MAD1L1: variants seen among roughly 807,000 people sequenced by gnomAD.
MAD1L1 encodes the protein mitotic spindle assembly checkpoint protein MAD1.
MAD1L1 carries 95 observed loss-of-function variants against 96.9 expected under a neutral mutation model. The observed-to-expected ratio is 0.98, with a 90% CI of 0.83 to 1.16. The LOEUF is 1.16. Among genes scored for constraint, MAD1L1 ranks in the 50% most tolerant of loss-of-function variants. The pLI is 0.00. For synonymous variants in MAD1L1, 473 were observed against 396.6 expected (o/e 1.19, Z -2.29); for missense variants, 1,007 against 954.4 (o/e 1.06, Z -0.73).
intron 12 of MAD1L1, among the ~76,000 whole-genome samples, chr7:2,039,156 C>T (rs565436447): frequency 2.5e-4 from 38 of 152,184 alleles, no homozygotes; most frequent in African/African-American, 8.0e-4. Context: ...CTCTTCGCTC[C>T]GCTAAACTCC....
At chr7:1,985,430 C>T (rs546897112) in intron 14 of MAD1L1, among the ~76,000 whole-genome samples, 57 of 150,840 alleles carry the variant, frequency 3.8e-4, no homozygotes, top group African/African-American at 1.2e-3. Context: ...GGGATCCTGG[C>T]TCCATGGCCA....
At chr7:1,980,949 G>A (rs867080058) in intron 14 of MAD1L1, among the ~76,000 whole-genome samples, 33 of 152,082 alleles carry the variant, frequency 2.2e-4, no homozygotes, top group African/African-American at 7.2e-4. Flanking sequence ...ATGCTGCACC[G>A]CCCGGGAGGG....
Position 1,863,749 on chromosome 7 carries a change from C to T in MAD1L1, c.1998+34451G>A, listed in dbSNP as rs577157291. ...GCAGTCCCGGAACACCGTGGGCTCC[C>T]GTGCTCCTGCAGCCCCGTCAGGCAC... On this transcript the variant is annotated intron_variant, in intron 18 of 18. Transcript: ENST00000265854. 7.2e-5 allele frequency among the ~76,000 whole-genome samples: 11 copies of T among 152,306 alleles called. No homozygotes were observed. The East Asian group carries it at 1.4e-3, about 19-fold the overall frequency.
chr7:1,922,132 T>A (rs943194959), intron 17 of MAD1L1, among the ~76,000 whole-genome samples: 1 of 152,260 alleles, frequency 6.6e-6, no homozygotes, highest in African/African-American at 2.4e-5. Context: ...AGCCACAGGC[T>A]GCAGGCGGGC....
intron 10 of MAD1L1, among the ~76,000 whole-genome samples, chr7:2,186,739 G>T (rs1298481772): frequency 1.3e-5 from 2 of 151,984 alleles, no homozygotes; most frequent in East Asian, 1.9e-4. Flanking sequence ...ACTAAGTGTG[G>T]TCTGCAGACA....
In MAD1L1 at chr7:1,939,515, AG is replaced by A. The variant is rs1444130179; in HGVS notation, c.1597-2619del. Reference sequence around the variant, plus strand: ...TCATGACATGGGTCATGTCAGGCACAGACATGACCATGGTCATGACATGGGT... The same window carrying A: ...TCATGACATGGGTCATGTCAGGCACAACATGACCATGGTCATGACATGGGT... On this transcript the variant is annotated intron_variant, in intron 16 of 18. Transcript: ENST00000265854. Among the ~76,000 whole-genome samples, 54 of 147,638 alleles carry A rather than the reference AG, an allele frequency of 3.7e-4. 1 individual carries two copies. Among genetic ancestry groups the A allele is most frequent in the African/African-American group, 1.2e-3 (49 of 39,952 alleles).
intron 11 of MAD1L1, among the ~76,000 whole-genome samples, chr7:2,105,247 C>T (rs1042907152): frequency 6.6e-6 from 1 of 152,150 alleles, no homozygotes; most frequent in East Asian, 1.9e-4. Context: ...ACAAAGGGCA[C>T]TAACACACGA....
chr7:2,175,092 G>C (rs963891511), intron 10 of MAD1L1: 8 of 152,196 alleles, frequency 5.3e-5, no homozygotes, highest in African/African-American at 1.7e-4. Flanking sequence ...GACAAAGCTG[G>C]TCATCTCGGC....
At chr7:2,215,851 A>AC (rs754996570) in intron 9 of MAD1L1, 34 bp downstream of exon 9, 48 of 1,594,478 alleles carry the variant, frequency 3.0e-5, no homozygotes, top group Non-Finnish European at 4.0e-5. Flanking sequence ...GGCAGAGGAC[A>AC]CCCACAGGAA....
intron 12 of MAD1L1, among the ~76,000 whole-genome samples, chr7:2,022,645 A>C (rs1184802645): frequency 6.6e-6 from 1 of 152,222 alleles, no homozygotes; most frequent in Non-Finnish European, 1.5e-5. Context: ...AAAGAAAAGA[A>C]GATTTAAAAA....
rs554635608 is a variant in MAD1L1 at position 1,928,650 on chromosome 7, C to G, written c.1807+8037G>C. The stretch of plus-strand genomic sequence containing the variant: ...GAACAGGGCTGGAGCCCCTGCACCC[C>G]CATCCCATTTGAACCGCTCAGCTGT... On this transcript the variant is annotated intron_variant, in intron 17 of 18. Transcript: ENST00000265854. Among the ~76,000 whole-genome samples the G allele has an allele frequency of 9.2e-5, 14 of 152,382 alleles. No individual in the cohort carries two copies. In the East Asian group the frequency reaches 2.5e-3, roughly 27 times the overall value.
intron 18 of MAD1L1, among the ~76,000 whole-genome samples, chr7:1,859,689 C>T (rs769462428): frequency 2.0e-5 from 3 of 152,190 alleles, no homozygotes; most frequent in Non-Finnish European, 4.4e-5. Context: ...TGGTGCTCTC[C>T]GTAGACCTGA....
chr7:1,994,146 A>G (rs1274543005), intron 14 of MAD1L1, among the ~76,000 whole-genome samples: 1 of 152,150 alleles, frequency 6.6e-6, no homozygotes, highest in Admixed American at 6.5e-5. Flanking sequence ...TCACAGGGGG[A>G]TAATCTGTGT....
intron 18 of MAD1L1, among the ~76,000 whole-genome samples, chr7:1,895,744 G>A (rs938320122): frequency 2.6e-5 from 4 of 152,316 alleles, no homozygotes; most frequent in Non-Finnish European, 4.4e-5. Flanking sequence ...CTGTCCTTCC[G>A]GAGGCGGCTG....
intron 18 of MAD1L1, among the ~76,000 whole-genome samples, chr7:1,826,488 C>T (rs1001553068): frequency 2.0e-5 from 3 of 152,216 alleles, no homozygotes; most frequent in Non-Finnish European, 4.4e-5. Context: ...CCCAGCTCAG[C>T]TCCGCGGAGC....
At chr7:1,926,739 T>A (rs1405502375) in intron 17 of MAD1L1, among the ~76,000 whole-genome samples, 2 of 152,150 alleles carry the variant, frequency 1.3e-5, no homozygotes, top group African/African-American at 4.8e-5. Flanking sequence ...TTCAGCTTGA[T>A]AAGGAAAAAC....
chr7:2,031,193 C>G lies in MAD1L1; in HGVS notation c.1219-16551G>C, dbSNP rs374938453. 1.5e-4 allele frequency among the ~76,000 whole-genome samples: 23 copies of G among 152,190 alleles called. 1 individual carries two copies. Among genetic ancestry groups the G allele is most frequent in the Admixed American group, 1.0e-3 (16 of 15,286 alleles). ...AGAGGAAGCACGGGGTCCTCTCCCACTACTCACCCCTCTGCCTGCAGCTGC... is the reference window on the plus strand; with the variant it reads ...AGAGGAAGCACGGGGTCCTCTCCCAGTACTCACCCCTCTGCCTGCAGCTGC... On this transcript the variant is annotated intron_variant, in intron 12 of 18. Transcript: ENST00000265854.
chr7:2,205,805 T>C (rs964746450), intron 10 of MAD1L1, among the ~76,000 whole-genome samples: 1 of 152,190 alleles, frequency 6.6e-6, no homozygotes, highest in African/African-American at 2.4e-5. Flanking sequence ...TTCATGTCCT[T>C]ATTTACCACC....
At chr7:1,940,844 G>A (rs1016059218) in intron 16 of MAD1L1, among the ~76,000 whole-genome samples, 6 of 149,976 alleles carry the variant, frequency 4.0e-5, no homozygotes, top group Non-Finnish European at 7.4e-5. Flanking sequence ...CACAGAAGGC[G>A]GGGCTGTAGT....
Sources: allele counts gnomAD v4.1 joint callset (sites outside exome capture counted in the v4.1 genomes callset), GRCh38; gene constraint gnomAD v4.1.1; transcripts MANE v1.5; gene names NCBI Gene and HGNC (gene_info 2026-07-23, HGNC 2026-07-21).